GALNT17: variants seen among roughly 807,000 people sequenced by gnomAD.
The protein encoded by GALNT17 is UDP-GalNAc:polypeptide N-acetylgalactosaminyltransferase-like 3.
A neutral mutation model predicts 63.7 loss-of-function variants in GALNT17; 29 were observed. The ratio of observed to expected loss-of-function variants is 0.46; its 90% CI spans 0.34 to 0.62. GALNT17 has a LOEUF of 0.62. Ranked by LOEUF, GALNT17 falls within the 20% of genes least tolerant of loss-of-function variation. GALNT17 has a pLI of 0.01. For missense variants in GALNT17, 603 were observed against 799.6 expected (o/e 0.75, Z 2.97); for synonymous variants, 305 against 318.3 (o/e 0.96, Z 0.45).
intron 5 of GALNT17, among the ~76,000 whole-genome samples, chr7:71,550,733 C>G (rs533522616): frequency 3.9e-5 from 6 of 152,272 alleles, no homozygotes; most frequent in Admixed American, 3.9e-4. Context: ...TTCATTTTAT[C>G]ATGGACTGTG....
intron 3 of GALNT17, among the ~76,000 whole-genome samples, chr7:71,408,982 A>C (rs1261377126): frequency 6.6e-6 from 1 of 150,396 alleles, no homozygotes; most frequent in Non-Finnish European, 1.5e-5. Context: ...ATATATACAT[A>C]TATATACACA....
intron 1 of GALNT17, among the ~76,000 whole-genome samples, chr7:71,265,771 A>T (rs1403549845): frequency 6.6e-6 from 1 of 152,142 alleles, no homozygotes; most frequent in Non-Finnish European, 1.5e-5. Context: ...GAAGGAAGGG[A>T]TAGGTTGGTG....
intron 2 of GALNT17, among the ~76,000 whole-genome samples, chr7:71,386,578 C>A (rs1315288383): frequency 6.6e-6 from 1 of 152,124 alleles, no homozygotes. Context: ...GAGCACGTTC[C>A]CCGGGTACTA....
chr7:71,482,081 ATGTGTGTGTG>A (rs10678512), intron 5 of GALNT17, among the ~76,000 whole-genome samples: 4 of 138,258 alleles, frequency 2.9e-5, no homozygotes, highest in African/African-American at 1.1e-4. Flanking sequence ...ATATATGTAT[ATGTGTGTGTG>A]TGTGTGTGTG....
chr7:71,271,531 G>C (rs1790588705), intron 1 of GALNT17, among the ~76,000 whole-genome samples: 1 of 152,168 alleles, frequency 6.6e-6, no homozygotes, highest in East Asian at 1.9e-4. Context: ...TCACGGAAAT[G>C]AAGTAAAAAA....
intron 1 of GALNT17, among the ~76,000 whole-genome samples, chr7:71,289,964 G>T (rs1288320044): frequency 6.6e-6 from 1 of 151,888 alleles, no homozygotes; most frequent in East Asian, 1.9e-4. Context: ...AGAATTGCTT[G>T]AACCCGTGAG....
At chr7:71,549,583 G>T (rs1789040925) in intron 5 of GALNT17, among the ~76,000 whole-genome samples, 1 of 152,086 alleles carries the variant, frequency 6.6e-6, no homozygotes, top group African/African-American at 2.4e-5. Flanking sequence ...CTCATAAATA[G>T]ATAAATAGGT....
At chr7:71,180,697 G>A (rs1392958392) in intron 1 of GALNT17, among the ~76,000 whole-genome samples, 1 of 152,298 alleles carries the variant, frequency 6.6e-6, no homozygotes, top group East Asian at 1.9e-4. Flanking sequence ...GTCATCCACA[G>A]CTTTAGGAGT....
intron 3 of GALNT17, among the ~76,000 whole-genome samples, chr7:71,399,164 G>A (rs1030684278): frequency 7.2e-5 from 11 of 152,222 alleles, no homozygotes; most frequent in African/African-American, 2.7e-4. Context: ...AGCCCGGGAG[G>A]TGGAGGTTGC....
At chr7:71,567,340 A>G (rs1425962199) in intron 5 of GALNT17, among the ~76,000 whole-genome samples, 1 of 152,164 alleles carries the variant, frequency 6.6e-6, no homozygotes, top group Non-Finnish European at 1.5e-5. Flanking sequence ...CTGTAAACAC[A>G]CAGAAGGGCA....
At chr7:71,517,959 T>C (rs1311190217) in intron 5 of GALNT17, among the ~76,000 whole-genome samples, 1 of 152,116 alleles carries the variant, frequency 6.6e-6, no homozygotes, top group Non-Finnish European at 1.5e-5. Context: ...CAGGTTTGGG[T>C]GACGAATTCT....
rs1583810967 is a variant in GALNT17, at chr7:71,263,942, C to T, written c.239-71608C>T. 2.0e-5 allele frequency among the ~76,000 whole-genome samples: 3 copies of T among 152,058 alleles called. No individual in the cohort carries two copies. In the South Asian group the frequency reaches 6.2e-4, roughly 32 times the overall value. On this transcript the variant is annotated intron_variant, in intron 1 of 10. Coordinates refer to ENST00000333538, the MANE Select transcript of GALNT17 (RefSeq NM_022479.3). Reference sequence around the variant, plus strand: ...CCGTCCCAAAAAAACAAAAAAACAACTTCAGCAATCTGATGTTTCCATGTG... The same window carrying T: ...CCGTCCCAAAAAAACAAAAAAACAATTTCAGCAATCTGATGTTTCCATGTG...
chr7:71,544,418 A>G (rs1163227198), intron 5 of GALNT17, among the ~76,000 whole-genome samples: 3 of 151,628 alleles, frequency 2.0e-5, no homozygotes, highest in Admixed American at 6.6e-5. Context: ...CTGGGATTAC[A>G]GGCGTGAGCC....
At chr7:71,362,514 G>A (rs893801373) in intron 2 of GALNT17, among the ~76,000 whole-genome samples, 10 of 152,104 alleles carry the variant, frequency 6.6e-5, no homozygotes, top group Non-Finnish European at 1.5e-4. Flanking sequence ...TGCTTGGTTC[G>A]CTGGCTTCCT....
At chr7:71,266,852 G>A (rs1790500356) in intron 1 of GALNT17, among the ~76,000 whole-genome samples, 1 of 152,096 alleles carries the variant, frequency 6.6e-6, no homozygotes, top group South Asian at 2.1e-4. Context: ...GGCAGGAGAT[G>A]GTGGCTTGAA....
intron 5 of GALNT17, among the ~76,000 whole-genome samples, chr7:71,443,526 G>A (rs115789873): frequency 0.019 from 2,843 of 152,098 alleles, 40 homozygotes; most frequent in African/African-American, 0.029. Flanking sequence ...GTTTAAAAGA[G>A]CATGGCACTT....
At chr7:71,251,684 A>G (rs74620076) in intron 1 of GALNT17, among the ~76,000 whole-genome samples, 11,953 of 152,234 alleles carry the variant, frequency 0.079, 851 homozygotes, top group East Asian at 0.37. Context: ...GATTACAGGC[A>G]TGAGCCACCA....
At chr7:71,536,711 A>G (rs974301540) in intron 5 of GALNT17, among the ~76,000 whole-genome samples, 1 of 152,196 alleles carries the variant, frequency 6.6e-6, no homozygotes, top group African/African-American at 2.4e-5. Context: ...GTGCAATTCA[A>G]GATGAGATTT....
chr7:71,310,391 G>A (rs74697949), intron 1 of GALNT17, among the ~76,000 whole-genome samples: 36 of 152,224 alleles, frequency 2.4e-4, no homozygotes, highest in Admixed American at 5.2e-4. Flanking sequence ...TTCACATTCC[G>A]TGTGCCTATT....
Sources: allele counts gnomAD v4.1 joint callset (sites outside exome capture counted in the v4.1 genomes callset), GRCh38; gene constraint gnomAD v4.1.1; transcripts MANE v1.5; gene names NCBI Gene and HGNC (gene_info 2026-07-23, HGNC 2026-07-21).